The following PLBD2 variants were observed in gnomAD, a reference collection of about 807,000 sequenced individuals.
PLBD2 encodes phospholipase B domain containing 2, also known as putative aminopeptidase PLBD2.
Under a neutral mutation model 68.3 loss-of-function variants are expected in PLBD2, and 51 were observed. The ratio of observed to expected loss-of-function variants is 0.75; its 90% CI spans 0.60 to 0.94. The LOEUF is 0.94. PLBD2 is among the 40% of genes least tolerant of loss of function. The probability of loss-of-function intolerance (pLI) is 0.00; values close to 1 mark genes in which losing one functional copy is unlikely to be tolerated. For synonymous variants in PLBD2, 314 were observed against 339.3 expected, an observed-to-expected ratio of 0.93 and a Z score of 0.82; for missense variants, 729 against 792.2, an observed-to-expected ratio of 0.92 and a Z score of 0.96.
rs764692068 is a variant in PLBD2 at position 113,387,792 on chromosome 12, C to A, written c.1488C>A (p.Asn496Lys). The change falls in exon 11 of 12, where the codon AAC (asparagine) becomes AAA (lysine). Residue 496 changes from asparagine (N) to lysine (K), a missense_variant. By Grantham distance (94) the Asn-to-Lys change is moderately conservative. Coordinates refer to ENST00000280800, the MANE Select transcript of PLBD2 (RefSeq NM_173542.4). ...CTCTGTCACTGTGCAAAGCCTGCAA[C>A]CCCCAGCCCAATGGGGAGAATGCTA... Reference protein sequence around the residue: ...HDPLSLCKACNPQPNGENAIS... With the variant: ...HDPLSLCKACKPQPNGENAIS... 19 of 1,614,030 alleles carry A rather than the reference C, an allele frequency of 1.2e-5. No individual in the cohort carries two copies. The Admixed American group carries it at 3.0e-4, about 25-fold the overall frequency.
In PLBD2 at chr12:113,390,342, C is replaced by G. The variant is rs567584901; in HGVS notation, c.*1716C>G. The G allele has an allele frequency of 1.3e-5, 2 of 151,908 alleles. No individual in the cohort carries two copies. The highest frequency in any genetic ancestry group is 4.8e-5 in the African/African-American group (2 of 41,310). 9.4% of individuals were successfully genotyped at this position (151,908 alleles called of 1,614,324 possible). ...TCACCCATCCACCCATCCATCCATC[C>G]AATCACCCATCCAACCATCAATCCA... On this transcript the variant is annotated 3_prime_UTR_variant, in exon 12 of 12. Coordinates refer to ENST00000280800, the MANE Select transcript of PLBD2 (RefSeq NM_173542.4).
chr12:113,387,678 A>G (rs1039449659), intron 10 of PLBD2, 66 bp from the exon 11 acceptor site: 2 of 1,536,780 alleles, frequency 1.3e-6, no homozygotes, highest in Non-Finnish European at 1.8e-6. Context: ...GCCTGTGAGG[A>G]TTTTGGCCCC....
At chr12:113,364,832 G>A (rs1957328144) in intron 1 of PLBD2, among the ~76,000 whole-genome samples, 2 of 152,162 alleles carry the variant, frequency 1.3e-5, no homozygotes, top group East Asian at 1.9e-4. Flanking sequence ...ACATGCCACA[G>A]CAGTCCTCTG....
At chr12:113,378,362 T>G (rs1046506917) in intron 5 of PLBD2, among the ~76,000 whole-genome samples, 1 of 152,142 alleles carries the variant, frequency 6.6e-6, no homozygotes, top group East Asian at 1.9e-4. Flanking sequence ...CATTGTAGTA[T>G]TATACAGAAT....
At position 113,369,172 on chromosome 12, in the gene PLBD2, A is replaced by G. The variant is rs776924065; in HGVS notation, c.347A>G (p.Tyr116Cys). The G allele has an allele frequency of 1.2e-6, 2 of 1,607,790 alleles. No individual in the cohort carries two copies. The highest frequency in any genetic ancestry group is 2.2e-5 in the South Asian group (2 of 89,448). Residue 116 changes from tyrosine (Y) to cysteine (C), a missense_variant, in exon 2 of 12, where the codon TAT becomes TGT. Transcript: ENST00000280800. ...SGQYNDSLQA[Y>C]AAGVVEAAVS... is the part of the protein sequence containing the mutation. ...CAATACAATGACAGCTTGCAGGCCT[A>G]TGCAGCCGGTGTGGTGGAGGCTGCT...
intron 5 of PLBD2, among the ~76,000 whole-genome samples, chr12:113,377,420 TTTTG>T (rs773751995): frequency 6.6e-6 from 1 of 151,970 alleles, no homozygotes; most frequent in African/African-American, 2.4e-5. Context: ...GATTTCTGTT[TTTTG>T]TTTGTTTGTT....
Position 113,384,207 on chromosome 12 carries a change from C to T in PLBD2, c.1060C>T (p.Arg354Cys), listed in dbSNP as rs56935204. Residue 354 changes from arginine (R) to cysteine (C), a missense_variant, in exon 7 of 12, where the codon CGC becomes TGC. Arg to Cys is a radical substitution (Grantham distance 180, BLOSUM62 -3). Transcript: ENST00000280800. This position sits in a 1 kb window ranked among gnomAD's most constrained non-coding sequence, Gnocchi z 4.2. ...LEWVRNIVAN[R>C]LASDGATWAD... ...GTGGGTACGCAACATCGTGGCCAAC[C>T]GCCTGGCCTCGGATGGGGCCACCTG... is the stretch of plus-strand genomic sequence containing the variant. The T allele has an allele frequency of 1.5e-4, 246 of 1,613,920 alleles. No individual in the cohort carries two copies. In the African/African-American group the frequency reaches 2.9e-3, roughly 19 times the overall value.
rs142623824 is a variant in PLBD2, at chr12:113,366,201, C to T, written c.291-2915C>T. On this transcript the variant is annotated intron_variant, in intron 1 of 11. Coordinates refer to ENST00000280800, the MANE Select transcript of PLBD2 (RefSeq NM_173542.4). ...CGATGGCTTTTTAGCCAACTTCCCA[C>T]GAGACAGCCCTGGCCAAGCCTGCCT... Among the ~76,000 whole-genome samples the T allele has an allele frequency of 2.5e-4, 38 of 152,296 alleles. 1 individual carries two copies. The South Asian group carries it at 2.9e-3, about 12-fold the overall frequency.
chr12:113,383,996 CAAAA>C (rs376758985), intron 6 of PLBD2, 105 bp from the exon 7 acceptor site: 2,636 of 489,154 alleles, frequency 5.4e-3, no homozygotes, highest in South Asian at 9.5e-3. Flanking sequence ...GACTCTATCT[CAAAA>C]AAAAAAAAAA....
intron 6 of PLBD2, among the ~76,000 whole-genome samples, chr12:113,383,516 C>A (rs997275674): frequency 3.3e-5 from 5 of 152,048 alleles, no homozygotes; most frequent in African/African-American, 1.2e-4. Flanking sequence ...CTCACTGCAA[C>A]CTCTGTCTCC....
Position 113,388,781 on chromosome 12 carries a change from C to T in PLBD2, c.*155C>T. On this transcript the variant is annotated 3_prime_UTR_variant, in exon 12 of 12. Transcript: ENST00000280800. ...TCTCCTCCTAGAGTGGGTCACGAACCTGATGGGGCTCAGAACTGACCCCCT... is the reference window on the plus strand; with the variant it reads ...TCTCCTCCTAGAGTGGGTCACGAACTTGATGGGGCTCAGAACTGACCCCCT... 1.3e-6 allele frequency: 1 copy of T among 791,682 alleles called. No individual in the cohort carries two copies. Among genetic ancestry groups the T allele is most frequent in the East Asian group, 3.1e-5 (1 of 32,152 alleles). 49.0% of individuals were successfully genotyped at this position (791,682 alleles called of 1,614,324 possible). A position where few individuals can be genotyped will look rare whatever the true frequency, so the allele number is the denominator to read the frequency against.
At chr12:113,360,536 C>CT (rs1208834534) in intron 1 of PLBD2, among the ~76,000 whole-genome samples, 1 of 152,234 alleles carries the variant, frequency 6.6e-6, no homozygotes, top group Non-Finnish European at 1.5e-5. Flanking sequence ...CTCAGCCCCT[C>CT]TGCTGTGTGA....
At chr12:113,377,308 G>A (rs1030357906) in intron 5 of PLBD2, among the ~76,000 whole-genome samples, 2 of 152,164 alleles carry the variant, frequency 1.3e-5, no homozygotes, top group African/African-American at 2.4e-5. Flanking sequence ...GAACACACCT[G>A]TGTATAGCAT....
chr12:113,362,794 T>TA (rs1294424762), intron 1 of PLBD2, among the ~76,000 whole-genome samples: 13 of 151,166 alleles, frequency 8.6e-5, no homozygotes, highest in Middle Eastern at 3.4e-3. Flanking sequence ...TTGATTTATT[T>TA]TTTTTTTTTG....
intron 1 of PLBD2, among the ~76,000 whole-genome samples, chr12:113,367,748 C>CAAAAAAAA (rs563757349): frequency 1.6e-5 from 1 of 64,286 alleles, no homozygotes; most frequent in African/African-American, 5.5e-5. Context: ...GATGCTGTCT[C>CAAAAAAAA]AAAAAAAAAA....
At position 113,388,703 on chromosome 12, in the gene PLBD2, T is replaced by A. The variant is rs1184257579; in HGVS notation, c.*77T>A. 1 of 1,453,508 alleles carries A rather than the reference T, an allele frequency of 6.9e-7. No individual in the cohort carries two copies. The highest frequency in any genetic ancestry group is 2.5e-5 in the East Asian group (1 of 40,304). The allele number at this position is 1,453,508 out of a possible 1,614,324, so 90.0% of individuals were successfully genotyped here. A position where few individuals can be genotyped will look rare whatever the true frequency, so the allele number is the denominator to read the frequency against. ...ACCCCCGTCCCAAGGCCACCGGACT[T>A]CTAACTCCAGCCCCTCCTGGGGGCT... On this transcript the variant is annotated 3_prime_UTR_variant, in exon 12 of 12. Transcript: ENST00000280800.
At chr12:113,359,862 C>T (rs959494890) in intron 1 of PLBD2, among the ~76,000 whole-genome samples, 3 of 152,148 alleles carry the variant, frequency 2.0e-5, no homozygotes, top group African/African-American at 7.2e-5. Flanking sequence ...TCAGCAGGGC[C>T]CAGACGCTGG....
intron 1 of PLBD2, among the ~76,000 whole-genome samples, chr12:113,362,511 G>A (rs939212766): frequency 6.6e-6 from 1 of 151,624 alleles, no homozygotes; most frequent in Admixed American, 6.6e-5. Flanking sequence ...CTTTCAAGAG[G>A]CACCTTGATT....
At chr12:113,383,425 T>G (rs931266045) in intron 6 of PLBD2, among the ~76,000 whole-genome samples, 1 of 152,106 alleles carries the variant, frequency 6.6e-6, no homozygotes, top group Non-Finnish European at 1.5e-5. Context: ...GGGGAACACG[T>G]GCCTCAACTG....
Sources: gnomAD v4.1 joint callset for allele counts (sites outside exome capture counted in the v4.1 genomes callset) on GRCh38, gnomAD v4.1.1 for gene constraint, Gnocchi (gnomAD v3.1) non-coding constraint, MANE v1.5 for transcripts, NCBI Gene and HGNC (gene_info 2026-07-23, HGNC 2026-07-21) for gene names.